LRRTM4: variants seen among roughly 807,000 people sequenced by gnomAD.
LRRTM4 encodes leucine-rich repeat transmembrane neuronal protein 4.
LRRTM4 carries 25 observed loss-of-function variants against 47.6 expected under a neutral mutation model. That is an observed-to-expected ratio of 0.53 (90% CI 0.38 to 0.73). The LOEUF is 0.73. Among genes scored for constraint, LRRTM4 ranks in the 30% least tolerant of loss-of-function variants. The probability of loss-of-function intolerance (pLI) is 0.00; values close to 1 mark genes in which losing one functional copy is unlikely to be tolerated. For missense variants in LRRTM4, 638 were observed against 713.4 expected, an observed-to-expected ratio of 0.89 and a Z score of 1.20; for synonymous variants, 311 against 269.5, an observed-to-expected ratio of 1.15 and a Z score of -1.51.
chr2:77,144,752 G>A (rs1672211370), intron 3 of LRRTM4, among the ~76,000 whole-genome samples: 1 of 152,006 alleles, frequency 6.6e-6, no homozygotes, highest in South Asian at 2.1e-4. Context: ...ACTATCATAT[G>A]TAAGGTTGAT....
chr2:76,972,019 A>G (rs1342176169), intron 3 of LRRTM4, among the ~76,000 whole-genome samples: 2 of 152,030 alleles, frequency 1.3e-5, no homozygotes, highest in Non-Finnish European at 2.9e-5. Context: ...GGGCTACATC[A>G]TTCTTCTTTT....
chr2:76,909,835 G>T (rs1673985337), intron 3 of LRRTM4, among the ~76,000 whole-genome samples: 1 of 152,128 alleles, frequency 6.6e-6, no homozygotes, highest in African/African-American at 2.4e-5. Flanking sequence ...TCATTAAAAA[G>T]GCAGGAAACA....
At chr2:77,302,421 C>T (rs1677155450) in intron 3 of LRRTM4, among the ~76,000 whole-genome samples, 1 of 152,072 alleles carries the variant, frequency 6.6e-6, no homozygotes, top group African/African-American at 2.4e-5. Context: ...ATGCTGTTTT[C>T]CTTGCAAATG....
chr2:77,505,442 T>C (rs1403535688), intron 3 of LRRTM4, among the ~76,000 whole-genome samples: 1 of 151,408 alleles, frequency 6.6e-6, no homozygotes, highest in Non-Finnish European at 1.5e-5. Context: ...CATGCTAGTA[T>C]AGGTACACAA....
chr2:77,063,436 CCT>C (rs923598833), intron 3 of LRRTM4, among the ~76,000 whole-genome samples: 5 of 151,994 alleles, frequency 3.3e-5, no homozygotes, highest in Non-Finnish European at 5.9e-5. Context: ...ATTTCATAGG[CCT>C]CTCTGTTTCT....
At chr2:77,125,778 C>T (rs370837015) in intron 3 of LRRTM4, among the ~76,000 whole-genome samples, 7 of 151,902 alleles carry the variant, frequency 4.6e-5, no homozygotes, top group Admixed American at 2.6e-4. Flanking sequence ...ATTTGAAAAA[C>T]AGTTGTGCAT....
At chr2:76,780,141 T>C (rs567774911) in intron 3 of LRRTM4, among the ~76,000 whole-genome samples, 1 of 152,354 alleles carries the variant, frequency 6.6e-6, no homozygotes, top group South Asian at 2.1e-4. Flanking sequence ...GCTGTTAGTC[T>C]GATGGGCTTC....
chr2:77,366,348 T>G (rs1672459556), intron 3 of LRRTM4, among the ~76,000 whole-genome samples: 1 of 151,926 alleles, frequency 6.6e-6, no homozygotes, highest in South Asian at 2.1e-4. Context: ...CTCTAGTTAT[T>G]CCTTCTGTCT....
intron 3 of LRRTM4, among the ~76,000 whole-genome samples, chr2:76,939,560 T>G (rs559198869): frequency 1.3e-5 from 2 of 152,100 alleles, no homozygotes; most frequent in African/African-American, 4.8e-5. Context: ...AACAGATTTT[T>G]AGTTGCTATC....
At chr2:76,944,292 C>T (rs935146989) in intron 3 of LRRTM4, among the ~76,000 whole-genome samples, 2 of 152,114 alleles carry the variant, frequency 1.3e-5, no homozygotes, top group Non-Finnish European at 2.9e-5. Flanking sequence ...CTTCAGTCAG[C>T]CTTCTCTGAC....
At chr2:76,964,298 A>G (rs972545455) in intron 3 of LRRTM4, among the ~76,000 whole-genome samples, 81 of 151,232 alleles carry the variant, frequency 5.4e-4, no homozygotes, top group African/African-American at 1.9e-3. Flanking sequence ...TTAGTTGTCT[A>G]TAGTGTCTGC....
chr2:77,411,618 A>ATTTTTTTTTTTTTTTT (rs1222177148), intron 3 of LRRTM4, among the ~76,000 whole-genome samples: 10 of 64,800 alleles, frequency 1.5e-4, no homozygotes, highest in East Asian at 9.3e-4. Flanking sequence ...ATGCCCGGCT[A>ATTTTTTTTTTTTTTTT]TTTTTTTTTT....
At chr2:77,174,201 A>G (rs1673130915) in intron 3 of LRRTM4, among the ~76,000 whole-genome samples, 2 of 152,032 alleles carry the variant, frequency 1.3e-5, no homozygotes, top group South Asian at 4.2e-4. Context: ...TTCTTATTCT[A>G]GGTAAGGCTC....
chr2:76,836,786 A>G (rs372925566), intron 3 of LRRTM4, among the ~76,000 whole-genome samples: 10 of 152,088 alleles, frequency 6.6e-5, no homozygotes, highest in Non-Finnish European at 1.3e-4. Flanking sequence ...AGAACAGAAT[A>G]TATTTCTTAA....
chr2:76,956,896 A>G (rs1675693172), intron 3 of LRRTM4, among the ~76,000 whole-genome samples: 1 of 151,526 alleles, frequency 6.6e-6, no homozygotes, highest in Admixed American at 6.6e-5. Flanking sequence ...TTACAAAGAA[A>G]ATTCTTAGCA....
intron 3 of LRRTM4, among the ~76,000 whole-genome samples, chr2:77,495,305 T>C (rs1209301390): frequency 6.6e-6 from 1 of 152,082 alleles, no homozygotes; most frequent in African/African-American, 2.4e-5. Flanking sequence ...TGCCAATACT[T>C]GATCTGTCAT....
chr2:76,947,791 A>G (rs973956538), intron 3 of LRRTM4, among the ~76,000 whole-genome samples: 3 of 151,852 alleles, frequency 2.0e-5, no homozygotes, highest in Non-Finnish European at 2.9e-5. Context: ...AATCATTTAT[A>G]CTTGACATTG....
At chr2:77,042,634 T>C (rs1679074882) in intron 3 of LRRTM4, among the ~76,000 whole-genome samples, 1 of 150,016 alleles carries the variant, frequency 6.7e-6, no homozygotes, top group Non-Finnish European at 1.5e-5. Context: ...AGAAAATCTT[T>C]ATATAAAGTA....
intron 3 of LRRTM4, among the ~76,000 whole-genome samples, chr2:76,873,520 A>ATATATATATATATATATATG (rs1672696280): frequency 2.1e-5 from 3 of 143,566 alleles, no homozygotes; most frequent in Non-Finnish European, 4.5e-5. Context: ...ATATATATAT[A>ATATATATATATATATATATG]TATATATATA....
Sources: allele counts gnomAD v4.1 joint callset (sites outside exome capture counted in the v4.1 genomes callset), GRCh38; gene constraint gnomAD v4.1.1; transcripts MANE v1.5; gene names NCBI Gene and HGNC (gene_info 2026-07-23, HGNC 2026-07-21).